The following SLC25A23 variants were observed in gnomAD, a reference collection of about 807,000 sequenced individuals.
SLC25A23 encodes mitochondrial adenyl nucleotide antiporter SLC25A23.
SLC25A23 carries 32 observed loss-of-function variants against 53.9 expected under a neutral mutation model. That is an observed-to-expected ratio of 0.59 (90% confidence interval 0.45 to 0.80). SLC25A23 has a LOEUF of 0.80. Among genes scored for constraint, SLC25A23 ranks in the 30% least tolerant of loss-of-function variants. The pLI is 0.00. For synonymous variants in SLC25A23, 275 were observed against 264.5 expected (o/e 1.04, Z -0.38); for missense variants, 575 against 651.4 (o/e 0.88, Z 1.28).
At chr19:6,437,387 G>C (rs2092339573), downstream of SLC25A23, among the ~76,000 whole-genome samples, 1 of 152,126 alleles carries the variant, frequency 6.6e-6, no homozygotes, top group Non-Finnish European at 1.5e-5. Flanking sequence ...ATGTGTTCAA[G>C]CCCTAACCCC....
downstream of SLC25A23, chr19:6,436,252 G>C (rs2092313217): frequency 3.0e-6 from 1 of 327,900 alleles, no homozygotes; most frequent in South Asian, 2.4e-5. Context: ...TGAAGTATAA[G>C]AGTCTAAGAT....
At chr19:6,443,484 T>A (rs2092455593) in intron 9 of SLC25A23, 3 of 644,098 alleles carry the variant, frequency 4.7e-6, no homozygotes, top group Middle Eastern at 2.8e-4. Context: ...CTCTTTGGCC[T>A]CCTAAAGTGC....
intron 2 of SLC25A23, 118 bp downstream of exon 2, chr19:6,458,080 C>A: frequency 7.6e-7 from 1 of 1,323,088 alleles, no homozygotes; most frequent in Non-Finnish European, 1.0e-6. Context: ...TATGAGTCAT[C>A]GGGGAGAAGC....
rs1173873305 is a variant in SLC25A23, at chr19:6,456,414, C to G, written c.483+6G>C. 1.2e-6 allele frequency: 2 copies of G among 1,613,338 alleles called. No homozygotes were observed. The highest frequency in any genetic ancestry group is 2.7e-5 in the African/African-American group (2 of 74,918). ...CTTCAGCTGGGGAAAGCCACCCCCA[C>G]CTCACCGTGGAATGCTTCCAGAAAT... On this transcript the variant is annotated splice_donor_region_variant and intron_variant, in intron 4 of 9. Transcript: ENST00000301454.
Position 6,441,934 on chromosome 19 carries a change from G to A in SLC25A23, c.*41C>T. ...GGATCATCAGTCTCCAGTGGCTGAG[G>A]TGTGGGGGGTGAGGGATTGGGGGGA... On this transcript the variant is annotated 3_prime_UTR_variant, in exon 10 of 10. Coordinates refer to ENST00000301454, the MANE Select transcript of SLC25A23 (RefSeq NM_024103.3). The A allele has an allele frequency of 6.3e-7, 1 of 1,582,266 alleles. No homozygotes were observed. Among genetic ancestry groups the A allele is most frequent in the Non-Finnish European group, 8.6e-7 (1 of 1,156,436 alleles).
At chr19:6,449,448 T>C (rs1352615561) in intron 8 of SLC25A23, among the ~76,000 whole-genome samples, 2 of 150,090 alleles carry the variant, frequency 1.3e-5, no homozygotes, top group Non-Finnish European at 3.0e-5. Flanking sequence ...AGAGTCTTGC[T>C]CTGTCACCCA....
chr19:6,456,914 G>A (rs983016766), intron 3 of SLC25A23, among the ~76,000 whole-genome samples: 1 of 151,956 alleles, frequency 6.6e-6, no homozygotes, highest in Non-Finnish European at 1.5e-5. Context: ...TCTTGACCTC[G>A]TGATCCACCT....
At chr19:6,446,623 C>T (rs892510220) in intron 8 of SLC25A23, among the ~76,000 whole-genome samples, 2 of 152,200 alleles carry the variant, frequency 1.3e-5, no homozygotes, top group African/African-American at 4.8e-5. Flanking sequence ...GATCAATACC[C>T]CAGCTCCCTC....
At chr19:6,458,429 G>A (rs1348501256) in intron 1 of SLC25A23, 105 bp from the exon 2 acceptor site, 30 of 1,309,276 alleles carry the variant, frequency 2.3e-5, no homozygotes, top group Non-Finnish European at 3.0e-5. Flanking sequence ...CCAGCGCCTT[G>A]AGGAAGGGGA....
At chr19:6,453,238 AG>A (rs1360020040) in intron 7 of SLC25A23, among the ~76,000 whole-genome samples, 3 of 117,116 alleles carry the variant, frequency 2.6e-5, no homozygotes, top group Admixed American at 8.1e-5. Context: ...ATGTGATTGA[AG>A]TTTTTTTTTT....
At position 6,456,280 on chromosome 19, in the gene SLC25A23, C is replaced by G. The variant is rs541894630; in HGVS notation, c.483+140G>C. 90 of 955,438 alleles carry G rather than the reference C, an allele frequency of 9.4e-5. No homozygotes were observed. The African/African-American group carries it at 1.3e-3, about 13-fold the overall frequency. The allele number at this position is 955,438 out of a possible 1,614,324, so 59.2% of individuals were successfully genotyped here. On this transcript the variant is annotated intron_variant, in intron 4 of 9. Coordinates refer to ENST00000301454, the MANE Select transcript of SLC25A23 (RefSeq NM_024103.3). The stretch of plus-strand genomic sequence containing the variant: ...AAGTGGAGGAAGAGAGGAACAGACC[C>G]TCATCCGTCAGCTGCTGCCAGTGCC...
At chr19:6,450,617 T>A (rs1336140603) in intron 8 of SLC25A23, among the ~76,000 whole-genome samples, 3 of 152,104 alleles carry the variant, frequency 2.0e-5, no homozygotes, top group Non-Finnish European at 4.4e-5. Flanking sequence ...AACAACAAAA[T>A]GGAGGAACAA....
intron 4 of SLC25A23, 24 bp downstream of exon 4, chr19:6,456,379 AGGGCACAGCCTTCAGCT>A (rs1431402285): frequency 6.3e-7 from 1 of 1,581,868 alleles, no homozygotes; most frequent in Non-Finnish European, 8.7e-7. Context: ...CCTGGGGAAG[AGGGCACAGCCTTCAGCT>A]GGGGAAAGCC....
intron 4 of SLC25A23, chr19:6,456,173 T>C: frequency 7.5e-7 from 1 of 1,340,350 alleles, no homozygotes; most frequent in Non-Finnish European, 1.0e-6. Context: ...CCACACGCTG[T>C]CCCCAGAGGC....
In SLC25A23 at chr19:6,459,189, T is replaced by C. The variant is rs2092724087; in HGVS notation, c.156+284A>G. 6.6e-6 allele frequency among the ~76,000 whole-genome samples: 1 copy of C among 152,058 alleles called. No homozygotes were observed. Among genetic ancestry groups the C allele is most frequent in the Non-Finnish European group, 1.5e-5 (1 of 67,986 alleles). On this transcript the variant is annotated intron_variant, in intron 1 of 9. Coordinates refer to ENST00000301454, the MANE Select transcript of SLC25A23 (RefSeq NM_024103.3). This position sits in a 1 kb window ranked among gnomAD's most constrained non-coding sequence, Gnocchi z 4.6. ...CTGGAGGAGGGTGTGTCCCGGGCAG[T>C]GGGCAGGAAAGCGCCCCCATCTCTT...
In SLC25A23 at chr19:6,457,595, G is replaced by C. The variant is rs1458689118; in HGVS notation, c.284-5C>G. 6.2e-7 allele frequency: 1 copy of C among 1,613,376 alleles called. No individual in the cohort carries two copies. The highest frequency in any genetic ancestry group is 1.3e-5 in the African/African-American group (1 of 74,912). Reference sequence around the variant, plus strand: ...TCTCAGAGACATCAATGTGACCTGGGGAGGGGGCCGGAGGTGGGGAAGGAT... The same window carrying C: ...TCTCAGAGACATCAATGTGACCTGGCGAGGGGGCCGGAGGTGGGGAAGGAT... On this transcript the variant is annotated splice_polypyrimidine_tract_variant and splice_region_variant and intron_variant, in intron 2 of 9. Coordinates refer to ENST00000301454, the MANE Select transcript of SLC25A23 (RefSeq NM_024103.3).
intron 8 of SLC25A23, among the ~76,000 whole-genome samples, chr19:6,444,869 G>A (rs927550360): frequency 4.6e-5 from 7 of 151,918 alleles, no homozygotes; most frequent in Non-Finnish European, 7.4e-5. Flanking sequence ...GGGTTTCACC[G>A]TGCTGGCCAG....
chr19:6,453,653 G>A (rs189835858), intron 7 of SLC25A23, among the ~76,000 whole-genome samples: 101 of 152,210 alleles, frequency 6.6e-4, no homozygotes, highest in African/African-American at 2.2e-3. Context: ...CCTTAGAAGA[G>A]GCATATTCAT....
rs1048175107 is a variant in SLC25A23, at chr19:6,458,210, G to A, written c.271C>T (p.Arg91Trp). 12 of 1,613,338 alleles carry A rather than the reference G, an allele frequency of 7.4e-6. No individual in the cohort carries two copies. The highest frequency in any genetic ancestry group is 1.6e-4 in the Middle Eastern group (1 of 6,084). The change falls in exon 2 of 10, where the codon CGG becomes TGG. Residue 91 changes from arginine (R) to tryptophan (W), a missense_variant. Arg to Trp is a moderately radical substitution (Grantham distance 101). Coordinates refer to ENST00000301454, the MANE Select transcript of SLC25A23 (RefSeq NM_024103.3). ...RLLLMFHSLDRNQDGHIDVSE... is the reference protein window; with the variant it reads ...RLLLMFHSLDWNQDGHIDVSE... ...CGCCCGACCTTACCATCCTGGTTCC[G>A]GTCAAGACTGTGAAACATGAGCAGC...
Sources: allele counts gnomAD v4.1 joint callset (sites outside exome capture counted in the v4.1 genomes callset), GRCh38; gene constraint gnomAD v4.1.1; non-coding constraint Gnocchi (gnomAD v3.1); transcripts MANE v1.5; gene names NCBI Gene and HGNC (gene_info 2026-07-23, HGNC 2026-07-21).